SLC8A3: variants seen among roughly 807,000 people sequenced by gnomAD.
SLC8A3 encodes sodium/calcium exchanger 3.
Under a neutral mutation model 65.4 loss-of-function variants are expected in SLC8A3, and 37 were observed. The observed-to-expected ratio is 0.57, with a 90% confidence interval of 0.44 to 0.74. SLC8A3 has a LOEUF of 0.74. SLC8A3 is among the 30% of genes least tolerant of loss of function. The pLI is 0.00. For synonymous variants in SLC8A3, 461 were observed against 444.5 expected (o/e 1.04, Z -0.47); for missense variants, 1,112 against 1,172.1 (o/e 0.95, Z 0.75).
chr14:70,145,792 C>G (rs944991266), intron 2 of SLC8A3, among the ~76,000 whole-genome samples: 9 of 152,194 alleles, frequency 5.9e-5, no homozygotes, highest in Non-Finnish European at 1.2e-4. Context: ...AGCTGCTGCA[C>G]CCCAGCACAC....
At chr14:70,168,527 G>A (rs1897315625) in intron 1 of SLC8A3, 43 bp from the exon 2 acceptor site, 2 of 882,322 alleles carry the variant, frequency 2.3e-6, no homozygotes, top group African/African-American at 1.7e-5. Flanking sequence ...GAGGAAAAAG[G>A]GGACAGCAAA....
At chr14:70,056,134 A>T (rs974981660) in intron 3 of SLC8A3, among the ~76,000 whole-genome samples, 1 of 152,204 alleles carries the variant, frequency 6.6e-6, no homozygotes, top group Non-Finnish European at 1.5e-5. Flanking sequence ...TTGGTCACTC[A>T]TGACTGTGTA....
At chr14:70,134,017 A>G (rs8020693) in intron 2 of SLC8A3, among the ~76,000 whole-genome samples, 26,951 of 151,994 alleles carry the variant, frequency 0.18, 2,755 homozygotes, top group East Asian at 0.37. Flanking sequence ...TTCTAACTCC[A>G]TCATGCTGGT....
At chr14:70,157,665 A>G (rs1192898330) in intron 2 of SLC8A3, among the ~76,000 whole-genome samples, 1 of 152,198 alleles carries the variant, frequency 6.6e-6, no homozygotes, top group Admixed American at 6.5e-5. Flanking sequence ...CAGGAGGGAG[A>G]GCACTGGAGA....
At chr14:70,103,376 G>A (rs61977428) in intron 2 of SLC8A3, among the ~76,000 whole-genome samples, 15,059 of 152,030 alleles carry the variant, frequency 0.099, 976 homozygotes, top group Non-Finnish European at 0.15. Flanking sequence ...AAGTATGTAG[G>A]TAAGAATAAA....
chr14:70,108,686 T>C (rs1178074850), intron 2 of SLC8A3, among the ~76,000 whole-genome samples: 2 of 152,236 alleles, frequency 1.3e-5, no homozygotes, highest in Non-Finnish European at 2.9e-5. Flanking sequence ...CACAAGTTTA[T>C]TTAAGAATCT....
intron 1 of SLC8A3, among the ~76,000 whole-genome samples, chr14:70,174,676 T>TG (rs1897781435): frequency 6.5e-5 from 9 of 139,136 alleles, no homozygotes; most frequent in African/African-American, 2.4e-4. Context: ...TTTTTTTTTT[T>TG]TTTTTTTTTT....
chr14:70,088,848 T>C (rs1334001002), intron 2 of SLC8A3, among the ~76,000 whole-genome samples: 4 of 152,210 alleles, frequency 2.6e-5, no homozygotes, highest in African/African-American at 9.6e-5. Context: ...ACTACCCCCA[T>C]TTCCAATCAG....
At chr14:70,115,920 C>T (rs925095183) in intron 2 of SLC8A3, among the ~76,000 whole-genome samples, 2 of 152,258 alleles carry the variant, frequency 1.3e-5, no homozygotes, top group African/African-American at 2.4e-5. Flanking sequence ...AGGGAAGAAG[C>T]GGAGGTCCTA....
At chr14:70,156,873 A>G (rs533483411) in intron 2 of SLC8A3, among the ~76,000 whole-genome samples, 4 of 152,336 alleles carry the variant, frequency 2.6e-5, no homozygotes, top group African/African-American at 9.6e-5. Flanking sequence ...AAACCCAGAA[A>G]GAGGCTTTGA....
intron 2 of SLC8A3, among the ~76,000 whole-genome samples, chr14:70,103,269 A>C (rs987582080): frequency 6.6e-6 from 1 of 152,082 alleles, no homozygotes; most frequent in Non-Finnish European, 1.5e-5. Flanking sequence ...TGTTGCTAGA[A>C]GTTCTGCACT....
chr14:70,052,118 C>A lies in SLC8A3; in HGVS notation c.1889-4G>T. The A allele has an allele frequency of 6.3e-7, 1 of 1,592,562 alleles. No homozygotes were observed. The highest frequency in any genetic ancestry group is 8.5e-7 in the Non-Finnish European group (1 of 1,172,586). On this transcript the variant is annotated splice_polypyrimidine_tract_variant and splice_region_variant and intron_variant, in intron 3 of 6. Coordinates refer to ENST00000356921, the MANE Select transcript of SLC8A3 (RefSeq NM_182932.3). Reference sequence around the variant, plus strand: ...GTCAGCTTCCTGTCTGTCACATCTGCAACAAAACAAAATCAGACTCGCTTT... The same window carrying A: ...GTCAGCTTCCTGTCTGTCACATCTGAAACAAAACAAAATCAGACTCGCTTT...
chr14:70,165,360 C>T (rs900258564), intron 2 of SLC8A3, among the ~76,000 whole-genome samples: 1 of 152,146 alleles, frequency 6.6e-6, no homozygotes, highest in African/African-American at 2.4e-5. Flanking sequence ...GACACCTCTC[C>T]CTAGCTTCTA....
chr14:70,044,977 G>C lies in SLC8A3; in HGVS notation c.*970C>G, dbSNP rs1217808538. On this transcript the variant is annotated 3_prime_UTR_variant, in exon 7 of 7. Coordinates refer to ENST00000356921, the MANE Select transcript of SLC8A3 (RefSeq NM_182932.3). ...AATCAAGAAGGCCTGTATCCCTTTTGTTCTTCCAGTAGCCCTTTGTCGTCA... is the reference window on the plus strand; with the variant it reads ...AATCAAGAAGGCCTGTATCCCTTTTCTTCTTCCAGTAGCCCTTTGTCGTCA... The C allele has an allele frequency of 6.6e-6, 1 of 152,180 alleles. No individual in the cohort carries two copies. Among genetic ancestry groups the C allele is most frequent in the Non-Finnish European group, 1.5e-5 (1 of 68,038 alleles). The allele number at this position is 152,180 out of a possible 1,614,324, so 9.4% of individuals were successfully genotyped here. A position where few individuals can be genotyped will look rare whatever the true frequency, so the allele number is the denominator to read the frequency against.
At chr14:70,164,516 T>C (rs1897056687) in intron 2 of SLC8A3, among the ~76,000 whole-genome samples, 1 of 152,122 alleles carries the variant, frequency 6.6e-6, no homozygotes, top group South Asian at 2.1e-4. Context: ...TACCCAGAAG[T>C]GATCATTTGC....
In SLC8A3 at chr14:70,188,442, C is replaced by A. The variant is rs1000815076; in HGVS notation, c.-126G>T. On this transcript the variant is annotated 5_prime_UTR_variant, in exon 1 of 7. Coordinates refer to ENST00000356921, the MANE Select transcript of SLC8A3 (RefSeq NM_182932.3). Reference sequence around the variant, plus strand: ...GGGGGGTGAGGAAGGTACGCGATGCCCCCGCCGCCCGGCGCCTCACCGGTC... The same window carrying A: ...GGGGGGTGAGGAAGGTACGCGATGCACCCGCCGCCCGGCGCCTCACCGGTC... The A allele has an allele frequency of 3.9e-5, 6 of 152,138 alleles. No individual in the cohort carries two copies. The East Asian group carries it at 1.2e-3, about 30-fold the overall frequency. 9.4% of individuals were successfully genotyped at this position (152,138 alleles called of 1,614,324 possible). A position where few individuals can be genotyped will look rare whatever the true frequency, so the allele number is the denominator to read the frequency against.
chr14:70,186,746 A>C (rs944065093), intron 1 of SLC8A3, among the ~76,000 whole-genome samples: 1 of 152,176 alleles, frequency 6.6e-6, no homozygotes, highest in African/African-American at 2.4e-5. Context: ...TTTGACCATC[A>C]GCCATCCTCC....
rs544232179 is a variant in SLC8A3 at position 70,185,252 on chromosome 14, C to A, written c.-63+3127G>T. Among the ~76,000 whole-genome samples, 4 of 152,322 alleles carry A rather than the reference C, an allele frequency of 2.6e-5. No homozygotes were observed. In the South Asian group the frequency reaches 8.3e-4, roughly 32 times the overall value. ...AAAGTGCTGGGATTACAGGCGTGAG[C>A]CACCACGCCCATCCTATTCCTTTCT... On this transcript the variant is annotated intron_variant, in intron 1 of 6. Transcript: ENST00000356921.
intron 2 of SLC8A3, among the ~76,000 whole-genome samples, chr14:70,126,290 C>T (rs1894438150): frequency 6.6e-6 from 1 of 152,086 alleles, no homozygotes; most frequent in African/African-American, 2.4e-5. Flanking sequence ...CTTAGGGGGG[C>T]ATCATTGAGC....
Sources: allele counts gnomAD v4.1 joint callset (sites outside exome capture counted in the v4.1 genomes callset), GRCh38; gene constraint gnomAD v4.1.1; transcripts MANE v1.5; gene names NCBI Gene and HGNC (gene_info 2026-07-23, HGNC 2026-07-21).